LRRC1: variants seen among roughly 807,000 people sequenced by gnomAD.
LRRC1 encodes the protein leucine-rich repeat-containing protein 1.
A neutral mutation model predicts 69.9 loss-of-function variants in LRRC1; 28 were observed. That is an observed-to-expected ratio of 0.40 (90% CI 0.30 to 0.55). The LOEUF is 0.55. LRRC1 is among the 20% of genes least tolerant of loss of function. The pLI is 0.47. For synonymous variants in LRRC1, 236 were observed against 240.2 expected (o/e 0.98, Z 0.16); for missense variants, 498 against 609.0 (o/e 0.82, Z 1.92).
At chr6:53,866,577 G>A (rs1234414452) in intron 2 of LRRC1, among the ~76,000 whole-genome samples, 3 of 152,154 alleles carry the variant, frequency 2.0e-5, no homozygotes, top group Non-Finnish European at 4.4e-5. Flanking sequence ...CAAACAAGGA[G>A]TATTGGGCAC....
intron 7 of LRRC1, 42 bp downstream of exon 7, chr6:53,897,401 G>C: frequency 7.4e-7 from 1 of 1,347,600 alleles, no homozygotes; most frequent in Non-Finnish European, 1.1e-6. Flanking sequence ...ACATAAAACA[G>C]CAACAATAAG....
chr6:53,813,605 A>G lies in LRRC1; in HGVS notation c.159+18190A>G, dbSNP rs528901929. Among the ~76,000 whole-genome samples, 174 of 133,528 alleles carry G rather than the reference A, an allele frequency of 1.3e-3. 1 individual carries two copies. The highest frequency in any genetic ancestry group is 4.6e-3 in the Middle Eastern group (1 of 218). The allele number at this position is 133,528 out of a possible 152,430, so 87.6% of individuals were successfully genotyped here. The stretch of plus-strand genomic sequence containing the variant: ...GCAGTTTCCTGATTTTTAAGTGTTC[A>G]GTAATTAAAAATGGACAATGATTCA... On this transcript the variant is annotated intron_variant, in intron 1 of 13. Coordinates refer to ENST00000370888, the MANE Select transcript of LRRC1 (RefSeq NM_018214.5).
intron 1 of LRRC1, among the ~76,000 whole-genome samples, chr6:53,796,369 C>G (rs940621117): frequency 1.3e-5 from 2 of 152,154 alleles, no homozygotes; most frequent in African/African-American, 4.8e-5. Flanking sequence ...GAAGGTGTCT[C>G]AAACCCAGGT....
At chr6:53,874,165 TG>T (rs1333239890) in intron 2 of LRRC1, among the ~76,000 whole-genome samples, 1 of 152,194 alleles carries the variant, frequency 6.6e-6, no homozygotes, top group African/African-American at 2.4e-5. Context: ...CCTGTAGTGG[TG>T]GGTGAGTCAC....
At chr6:53,877,923 A>G (rs1362048251) in intron 2 of LRRC1, among the ~76,000 whole-genome samples, 1 of 152,178 alleles carries the variant, frequency 6.6e-6, no homozygotes, top group Admixed American at 6.5e-5. Flanking sequence ...CTCTACTGGT[A>G]CCAGTTTACT....
intron 1 of LRRC1, among the ~76,000 whole-genome samples, chr6:53,807,832 T>A (rs548702944): frequency 6.6e-6 from 1 of 152,332 alleles, no homozygotes; most frequent in Non-Finnish European, 1.5e-5. Context: ...TGGAGATTTC[T>A]ATTTAAGGCC....
chr6:53,913,797 C>T, intron 10 of LRRC1, 57 bp from the exon 11 acceptor site: 2 of 1,136,152 alleles, frequency 1.8e-6, no homozygotes, highest in Non-Finnish European at 1.3e-6. Flanking sequence ...GTACTCTGAT[C>T]CTACTCCATC....
chr6:53,832,995 C>T (rs1177083892), intron 1 of LRRC1, among the ~76,000 whole-genome samples: 10 of 152,020 alleles, frequency 6.6e-5, no homozygotes, highest in Non-Finnish European at 1.5e-4. Context: ...TCATTGTATG[C>T]ATTTGCCATC....
chr6:53,877,445 C>T (rs553132104), intron 2 of LRRC1, among the ~76,000 whole-genome samples: 2 of 152,314 alleles, frequency 1.3e-5, no homozygotes, highest in South Asian at 2.1e-4. Flanking sequence ...TTGAATTTCT[C>T]CTCAGAAAAT....
chr6:53,919,303 G>A lies in LRRC1; in HGVS notation c.1107-195G>A, dbSNP rs146065480. ...ATGGGAGAAGTGAGAGCAGAAAAGG[G>A]AAGCACAGGAACCTACTGAGGAATC... On this transcript the variant is annotated intron_variant, in intron 11 of 13. Transcript: ENST00000370888. 1.4e-3 allele frequency: 414 copies of A among 305,612 alleles called. 5 individuals are homozygous for A. In the East Asian group the frequency reaches 0.022, roughly 16 times the overall value. The allele number at this position is 305,612 out of a possible 1,614,324, so 18.9% of individuals were successfully genotyped here.
intron 1 of LRRC1, among the ~76,000 whole-genome samples, chr6:53,819,052 C>T (rs1003301118): frequency 6.6e-6 from 1 of 152,036 alleles, no homozygotes; most frequent in African/African-American, 2.4e-5. Context: ...TAGCATTGAC[C>T]CATGTGGGGG....
chr6:53,841,964 C>G lies in LRRC1; in HGVS notation c.160-146C>G, dbSNP rs1240484187. 9 of 557,410 alleles carry G rather than the reference C, an allele frequency of 1.6e-5. No homozygotes were observed. The East Asian group carries it at 2.7e-4, about 17-fold the overall frequency. The allele number at this position is 557,410 out of a possible 1,614,324, so 34.5% of individuals were successfully genotyped here. A position where few individuals can be genotyped will look rare whatever the true frequency, so the allele number is the denominator to read the frequency against. On this transcript the variant is annotated intron_variant, in intron 1 of 13. Transcript: ENST00000370888. ...TTTCCCAATGGTAACATCTTCACAACTACAGTACTGCCATCAAAGTTAGGA... is the reference window on the plus strand; with the variant it reads ...TTTCCCAATGGTAACATCTTCACAAGTACAGTACTGCCATCAAAGTTAGGA...
intron 2 of LRRC1, among the ~76,000 whole-genome samples, chr6:53,853,583 C>T (rs1273582535): frequency 1.3e-5 from 2 of 152,050 alleles, no homozygotes; most frequent in Non-Finnish European, 2.9e-5. Context: ...CTGCACCCAG[C>T]GTGTAAATCT....
intron 2 of LRRC1, among the ~76,000 whole-genome samples, chr6:53,869,064 G>A (rs145111978): frequency 2.3e-4 from 35 of 152,284 alleles, no homozygotes; most frequent in Non-Finnish European, 4.6e-4. Context: ...ACCCAGGGGC[G>A]CAAACCTAAT....
chr6:53,866,484 G>A lies in LRRC1; in HGVS notation c.278-12509G>A, dbSNP rs556746953. 6.8e-4 allele frequency among the ~76,000 whole-genome samples: 103 copies of A among 152,272 alleles called. 1 individual carries two copies. Among genetic ancestry groups the A allele is most frequent in the African/African-American group, 2.4e-3 (99 of 41,514 alleles). ...GCACAATAGAGAACGATATAGGTCT[G>A]GTTCCTGACCTAGTGGAGGATACAG... On this transcript the variant is annotated intron_variant, in intron 2 of 13. Coordinates refer to ENST00000370888, the MANE Select transcript of LRRC1 (RefSeq NM_018214.5).
intron 11 of LRRC1, among the ~76,000 whole-genome samples, chr6:53,917,821 T>A (rs1216756505): frequency 6.6e-6 from 1 of 152,272 alleles, no homozygotes; most frequent in Non-Finnish European, 1.5e-5. Flanking sequence ...AAAAGTTTGA[T>A]GTACTTGAAG....
intron 1 of LRRC1, among the ~76,000 whole-genome samples, chr6:53,830,310 A>G (rs1266832412): frequency 6.6e-6 from 1 of 152,242 alleles, no homozygotes; most frequent in Admixed American, 6.5e-5. Context: ...AAGAAAGCAG[A>G]CTTGTTAGAT....
intron 4 of LRRC1, among the ~76,000 whole-genome samples, chr6:53,895,351 G>C (rs1767836376): frequency 6.6e-6 from 1 of 152,190 alleles, no homozygotes; most frequent in Admixed American, 6.5e-5. Flanking sequence ...TATATTTTCT[G>C]GCAAACAGGT....
chr6:53,890,745 A>G (rs1767653048), intron 4 of LRRC1, among the ~76,000 whole-genome samples: 1 of 152,116 alleles, frequency 6.6e-6, no homozygotes, highest in South Asian at 2.1e-4. Context: ...TTGATGCTGA[A>G]AGAGTAGAAG....
Sources: allele counts gnomAD v4.1 joint callset (sites outside exome capture counted in the v4.1 genomes callset), GRCh38; gene constraint gnomAD v4.1.1; transcripts MANE v1.5; gene names NCBI Gene and HGNC (gene_info 2026-07-23, HGNC 2026-07-21).